CENPW: variants seen among roughly 807,000 people sequenced by gnomAD.
CENPW encodes the protein centromere protein W.
Under a neutral mutation model 11.1 loss-of-function variants are expected in CENPW, and 3 were observed. The observed-to-expected ratio is 0.27, with a 90% CI of 0.12 to 0.70. The LOEUF (loss-of-function observed/expected upper bound fraction) is 0.70, where lower values mean the gene tolerates loss of function less well. Ranked by LOEUF, CENPW falls within the 30% of genes least tolerant of loss-of-function variation. The probability of loss-of-function intolerance (pLI) is 0.77; values close to 1 mark genes in which losing one functional copy is unlikely to be tolerated. For synonymous variants in CENPW, 38 were observed against 42.0 expected (o/e 0.91, Z 0.37); for missense variants, 100 against 105.6 (o/e 0.95, Z 0.23).
chr6:126,471,535 A>G, the CENPW span, among the ~76,000 whole-genome samples: 1 of 152,238 alleles, frequency 6.6e-6, no homozygotes, highest in Non-Finnish European at 1.5e-5. Context: ...ACTATTTTAA[A>G]TGGCCAAAAA....
the CENPW span, among the ~76,000 whole-genome samples, chr6:126,460,038 T>A: frequency 6.6e-6 from 1 of 151,574 alleles, no homozygotes; most frequent in East Asian, 1.9e-4. Flanking sequence ...AGATGCAGGA[T>A]TGCTGTTAAC....
chr6:126,463,860 A>G, the CENPW span, among the ~76,000 whole-genome samples: 1 of 152,114 alleles, frequency 6.6e-6, no homozygotes, highest in Non-Finnish European at 1.5e-5. Context: ...GTCACAGAAC[A>G]TTTAAGGAAG....
At chr6:126,342,177 A>C (rs1780326137) in intron 1 of CENPW, among the ~76,000 whole-genome samples, 1 of 152,180 alleles carries the variant, frequency 6.6e-6, no homozygotes, top group Non-Finnish European at 1.5e-5. Context: ...TACACCTGAA[A>C]GTTATTGCAA....
the CENPW span, among the ~76,000 whole-genome samples, chr6:126,385,700 T>C: frequency 6.6e-6 from 1 of 152,048 alleles, no homozygotes. Context: ...TCTTATGAGA[T>C]CTGACAGTTT....
At chr6:126,405,875 T>G in the CENPW span, among the ~76,000 whole-genome samples, 1 of 152,116 alleles carries the variant, frequency 6.6e-6, no homozygotes, top group African/African-American at 2.4e-5. Flanking sequence ...TGCTTATCAA[T>G]TCTAAGATTT....
At chr6:126,438,982 G>T in the CENPW span, among the ~76,000 whole-genome samples, 2 of 151,708 alleles carry the variant, frequency 1.3e-5, no homozygotes. Context: ...GTATACATTG[G>T]TAATTTATGG....
chr6:126,356,068 C>A, the CENPW span, among the ~76,000 whole-genome samples: 1 of 152,096 alleles, frequency 6.6e-6, no homozygotes, highest in South Asian at 2.1e-4. Context: ...ACAAACTACA[C>A]TTAGGCAAAG....
chr6:126,445,035 G>A, the CENPW span, among the ~76,000 whole-genome samples: 4 of 151,132 alleles, frequency 2.6e-5, no homozygotes, highest in Non-Finnish European at 4.4e-5. Flanking sequence ...AATTATGTTG[G>A]TCAAGACTCC....
the CENPW span, among the ~76,000 whole-genome samples, chr6:126,362,402 T>C: frequency 1.3e-5 from 2 of 152,136 alleles, no homozygotes; most frequent in African/African-American, 4.8e-5. Flanking sequence ...GATTGAGCTG[T>C]CCCTCAGTCC....
the CENPW span, among the ~76,000 whole-genome samples, chr6:126,460,002 G>A: frequency 6.6e-6 from 1 of 150,976 alleles, no homozygotes; most frequent in East Asian, 2.0e-4. Context: ...TATTCTTATG[G>A]GTAATTTTGT....
the CENPW span, among the ~76,000 whole-genome samples, chr6:126,354,724 G>A: frequency 1.3e-5 from 2 of 152,000 alleles, no homozygotes; most frequent in Non-Finnish European, 2.9e-5. Flanking sequence ...CTCCTTTTTG[G>A]AGTCTAGTCC....
the CENPW span, among the ~76,000 whole-genome samples, chr6:126,388,133 C>T: frequency 1.3e-5 from 2 of 151,970 alleles, no homozygotes; most frequent in Non-Finnish European, 2.9e-5. Context: ...GGTGACTAAA[C>T]TGAGACTTCA....
chr6:126,381,716 A>G, the CENPW span, among the ~76,000 whole-genome samples: 1 of 152,288 alleles, frequency 6.6e-6, no homozygotes, highest in Admixed American at 6.5e-5. Flanking sequence ...TCACTGCCCT[A>G]TGAAGGGCTT....
the CENPW span, among the ~76,000 whole-genome samples, chr6:126,473,465 C>T: frequency 6.6e-6 from 1 of 152,054 alleles, no homozygotes; most frequent in African/African-American, 2.4e-5. Flanking sequence ...GGCACAGTGA[C>T]TCATTCCGGT....
chr6:126,422,767 T>C, the CENPW span, among the ~76,000 whole-genome samples: 2 of 152,124 alleles, frequency 1.3e-5, no homozygotes, highest in African/African-American at 4.8e-5. Context: ...CTTCTCCCTT[T>C]TCCTCTTCAC....
chr6:126,475,890 A>G, the CENPW span, among the ~76,000 whole-genome samples: 1 of 152,010 alleles, frequency 6.6e-6, no homozygotes, highest in African/African-American at 2.4e-5. Flanking sequence ...GCTAAAAAAG[A>G]CCTTAGAAAT....
At chr6:126,340,747 A>T (rs960186294) in intron 1 of CENPW, among the ~76,000 whole-genome samples, 3 of 152,214 alleles carry the variant, frequency 2.0e-5, no homozygotes, top group African/African-American at 7.2e-5. Flanking sequence ...GGTATGAAAG[A>T]ATCACCCTTT....
chr6:126,464,994 A>C, the CENPW span, among the ~76,000 whole-genome samples: 1 of 152,126 alleles, frequency 6.6e-6, no homozygotes, highest in Non-Finnish European at 1.5e-5. Context: ...GTAATATTGT[A>C]CTGGAGGTTC....
chr6:126,404,991 A>G, the CENPW span, among the ~76,000 whole-genome samples: 2 of 151,876 alleles, frequency 1.3e-5, no homozygotes, highest in South Asian at 2.1e-4. Context: ...TTTGCTGTGC[A>G]GAAACTTCTT....
Sources: allele counts gnomAD v4.1 joint callset (sites outside exome capture counted in the v4.1 genomes callset), GRCh38; gene constraint gnomAD v4.1.1; transcripts MANE v1.5; gene names NCBI Gene and HGNC (gene_info 2026-07-23, HGNC 2026-07-21).